Variants in CSMD1 observed in about 807,000 individuals in gnomAD.
The protein encoded by CSMD1 is CUB and sushi domain-containing protein 1.
Under a neutral mutation model 417.5 loss-of-function variants are expected in CSMD1, and 213 were observed. The observed-to-expected ratio is 0.51, with a 90% confidence interval of 0.46 to 0.57. CSMD1 has a LOEUF of 0.57. Among genes scored for constraint, CSMD1 ranks in the 20% least tolerant of loss-of-function variants. CSMD1 has a pLI of 0.00. For synonymous variants in CSMD1, 2,862 were observed against 1,736.8 expected, an observed-to-expected ratio of 1.65 and a Z score of -16.11; for missense variants, 6,923 against 4,529.7, an observed-to-expected ratio of 1.53 and a Z score of -15.17.
At chr8:3,169,491 G>A (rs1460516983) in intron 37 of CSMD1, among the ~76,000 whole-genome samples, 2 of 151,862 alleles carry the variant, frequency 1.3e-5, no homozygotes, top group East Asian at 1.9e-4. Flanking sequence ...AAAAAAAAAA[G>A]GAAATGTGGT....
At chr8:4,330,807 G>T (rs114715546) in intron 3 of CSMD1, among the ~76,000 whole-genome samples, 1 of 151,928 alleles carries the variant, frequency 6.6e-6, no homozygotes, top group South Asian at 2.1e-4. Context: ...ATCTTCTGAA[G>T]CACTGTTCAT....
intron 3 of CSMD1, among the ~76,000 whole-genome samples, chr8:4,203,194 G>A (rs1459069975): frequency 6.6e-6 from 1 of 152,172 alleles, no homozygotes. Context: ...TCAGTGAGAT[G>A]CAACCTTGCT....
chr8:4,439,174 T>C (rs960715114), intron 2 of CSMD1, among the ~76,000 whole-genome samples: 4 of 152,206 alleles, frequency 2.6e-5, no homozygotes, highest in African/African-American at 7.2e-5. Flanking sequence ...TTCAATTAAG[T>C]AAATGAGCCA....
chr8:4,344,869 G>A (rs527662258), intron 3 of CSMD1, among the ~76,000 whole-genome samples: 52 of 152,182 alleles, frequency 3.4e-4, no homozygotes, highest in Non-Finnish European at 6.0e-4. Context: ...TTTACCTAGC[G>A]ATAAGGACAA....
chr8:3,271,129 T>C (rs13256413), intron 26 of CSMD1, among the ~76,000 whole-genome samples: 34,474 of 141,496 alleles, frequency 0.24, 4,298 homozygotes, highest in East Asian at 0.32. Context: ...CTTCCTGTGT[T>C]CACGTGTTCT....
chr8:3,742,718 C>G (rs1248209006), intron 6 of CSMD1, among the ~76,000 whole-genome samples: 4 of 148,772 alleles, frequency 2.7e-5, no homozygotes, highest in African/African-American at 9.8e-5. Context: ...TGCATAGGAT[C>G]AGAGAGAGAG....
At chr8:3,090,364 G>A (rs1277074864) in intron 48 of CSMD1, among the ~76,000 whole-genome samples, 1 of 143,908 alleles carries the variant, frequency 6.9e-6, no homozygotes, top group African/African-American at 2.6e-5. Context: ...CTATTTTTTG[G>A]AACAAGGAGT....
intron 5 of CSMD1, among the ~76,000 whole-genome samples, chr8:3,895,196 A>C (rs945037835): frequency 3.3e-5 from 5 of 152,228 alleles, no homozygotes; most frequent in Non-Finnish European, 7.3e-5. Flanking sequence ...CCTGTTACTA[A>C]GAAAATGGAT....
At chr8:4,370,909 T>G (rs924734662) in intron 3 of CSMD1, among the ~76,000 whole-genome samples, 3 of 152,216 alleles carry the variant, frequency 2.0e-5, no homozygotes, top group Non-Finnish European at 2.9e-5. Context: ...GATTCTGAAG[T>G]CTATGTCTGA....
chr8:4,655,685 G>T (rs1305468786), intron 1 of CSMD1, among the ~76,000 whole-genome samples: 2 of 151,958 alleles, frequency 1.3e-5, no homozygotes, highest in African/African-American at 2.4e-5. Flanking sequence ...AATGGAAAAG[G>T]TAACTAGGAC....
chr8:3,371,664 T>C (rs1303866488), intron 18 of CSMD1, among the ~76,000 whole-genome samples: 1 of 152,184 alleles, frequency 6.6e-6, no homozygotes, highest in Non-Finnish European at 1.5e-5. Flanking sequence ...AAGAATTAGA[T>C]AATCTATGAA....
intron 7 of CSMD1, among the ~76,000 whole-genome samples, chr8:3,706,041 T>C (rs1207738176): frequency 1.3e-5 from 2 of 152,222 alleles, no homozygotes; most frequent in Admixed American, 6.5e-5. Flanking sequence ...ACGGGGCTCA[T>C]GGTGGGAACG....
chr8:3,117,849 C>T (rs981271133), intron 42 of CSMD1, among the ~76,000 whole-genome samples: 3 of 152,148 alleles, frequency 2.0e-5, no homozygotes, highest in Non-Finnish European at 2.9e-5. Context: ...CTGTACACTG[C>T]GCTCTTTCTT....
At chr8:3,377,644 C>T (rs769462445) in intron 18 of CSMD1, among the ~76,000 whole-genome samples, 1 of 152,126 alleles carries the variant, frequency 6.6e-6, no homozygotes, top group Non-Finnish European at 1.5e-5. Flanking sequence ...TGCTAAACCT[C>T]CAGGAATTCT....
chr8:3,859,698 A>G (rs1185615005), intron 5 of CSMD1, among the ~76,000 whole-genome samples: 1 of 152,152 alleles, frequency 6.6e-6, no homozygotes, highest in Non-Finnish European at 1.5e-5. Flanking sequence ...GTGCCTACAT[A>G]GTGAAGCCTC....
intron 5 of CSMD1, among the ~76,000 whole-genome samples, chr8:3,896,407 A>G (rs1438208337): frequency 1.3e-5 from 2 of 152,244 alleles, no homozygotes; most frequent in African/African-American, 4.8e-5. Context: ...TAATCTTCAC[A>G]TGGAAAATGC....
chr8:4,717,866 G>A (rs576883878), intron 1 of CSMD1, among the ~76,000 whole-genome samples: 25 of 152,250 alleles, frequency 1.6e-4, no homozygotes, highest in African/African-American at 5.8e-4. Flanking sequence ...ATATTTAATA[G>A]CTTTTTATTA....
intron 3 of CSMD1, among the ~76,000 whole-genome samples, chr8:4,264,844 T>A (rs1047068025): frequency 6.6e-6 from 1 of 152,132 alleles, no homozygotes; most frequent in Non-Finnish European, 1.5e-5. Context: ...ATAATTTCAA[T>A]CCTAGATGAG....
chr8:3,226,443 C>A (rs1024228438), intron 27 of CSMD1, among the ~76,000 whole-genome samples: 2 of 151,892 alleles, frequency 1.3e-5, no homozygotes, highest in Admixed American at 6.6e-5. Flanking sequence ...AATAGCCGGG[C>A]GTGGTGGCAC....
Sources: allele counts gnomAD v4.1 joint callset (sites outside exome capture counted in the v4.1 genomes callset), GRCh38; gene constraint gnomAD v4.1.1; transcripts MANE v1.5; gene names NCBI Gene and HGNC (gene_info 2026-07-23, HGNC 2026-07-21).